Variants in GBF1 observed in about 807,000 individuals in gnomAD.
GBF1 encodes Golgi-specific brefeldin A-resistance guanine nucleotide exchange factor 1.
Under a neutral mutation model 210.5 loss-of-function variants are expected in GBF1, and 114 were observed. That is an observed-to-expected ratio of 0.54 (90% CI 0.47 to 0.63). GBF1 has a LOEUF of 0.63. Among genes scored for constraint, GBF1 ranks in the 30% least tolerant of loss-of-function variants. The pLI is 0.00. For synonymous variants in GBF1, 850 were observed against 889.2 expected (o/e 0.96, Z 0.78); for missense variants, 1,851 against 2,357.7 (o/e 0.79, Z 4.45).
chr10:102,292,044 C>G (rs2076486642), intron 3 of GBF1, among the ~76,000 whole-genome samples: 1 of 151,914 alleles, frequency 6.6e-6, no homozygotes, highest in African/African-American at 2.4e-5. Flanking sequence ...CGCCCACCAC[C>G]ACGCCCAGCT....
At position 102,358,665 on chromosome 10, in the gene GBF1, G is replaced by A. The variant is rs1283292014; in HGVS notation, c.947G>A (p.Gly316Glu). 1.2e-6 allele frequency: 2 copies of A among 1,613,958 alleles called. No individual in the cohort carries two copies. Among genetic ancestry groups the A allele is most frequent in the African/African-American group, 1.3e-5 (1 of 74,900 alleles). ...LTDLEQPGSPGYSTATEPGSS... is the reference protein window; with the variant it reads ...LTDLEQPGSPEYSTATEPGSS... ...GATCTAGAGCAACCTGGCTCTCCAG[G>A]GTACAGCACAGCTACAGAGCCTGGA... Residue 316 changes from glycine (G) to glutamate (E), a missense_variant, in exon 10 of 40, where the codon GGG becomes GAG. Physicochemically the swap from Gly to Glu is moderately conservative, Grantham distance 98. This residue lies in a region of GBF1 where 804 missense variants were observed against 958.6 expected (regional missense o/e 0.84). Transcript: ENST00000369983.
intron 3 of GBF1, among the ~76,000 whole-genome samples, chr10:102,263,774 G>A (rs746616006): frequency 6.6e-6 from 1 of 152,188 alleles, no homozygotes; most frequent in Non-Finnish European, 1.5e-5. Flanking sequence ...AGCATTTAGA[G>A]TAATAAGATA....
chr10:102,297,787 C>T (rs1229013498), intron 3 of GBF1, among the ~76,000 whole-genome samples: 2 of 152,122 alleles, frequency 1.3e-5, no homozygotes, highest in Non-Finnish European at 2.9e-5. Context: ...TTTTATAAAC[C>T]AATCACTCAT....
At position 102,382,071 on chromosome 10, in the gene GBF1, A is replaced by G; in HGVS notation, c.5318A>G (p.Glu1773Gly). The G allele has an allele frequency of 6.5e-7, 1 of 1,550,136 alleles. No homozygotes were observed. Among genetic ancestry groups the G allele is most frequent in the African/African-American group, 1.4e-5 (1 of 72,966 alleles). Residue 1773 changes from glutamate (E) to glycine (G), a missense_variant, in exon 40 of 40, where the codon GAG becomes GGG. By Grantham distance (98) the Glu-to-Gly change is moderately conservative (BLOSUM62 -2). Coordinates refer to ENST00000369983, the MANE Select transcript of GBF1 (RefSeq NM_001377137.1). Reference protein sequence around the residue: ...ELGACDFEKPESPRAASSSSP... With the variant: ...ELGACDFEKPGSPRAASSSSP... ...TTCCCTACAGACTTTGAGAAGCCCG[A>G]GAGCCCCCGAGCCGCCAGCAGCAGC...
At chr10:102,269,335 A>G (rs956759330) in intron 3 of GBF1, among the ~76,000 whole-genome samples, 1 of 152,240 alleles carries the variant, frequency 6.6e-6, no homozygotes, top group African/African-American at 2.4e-5. Flanking sequence ...ACTGTACATC[A>G]GAGGGCAATA....
At chr10:102,302,780 A>G (rs917203902) in intron 3 of GBF1, among the ~76,000 whole-genome samples, 1 of 152,060 alleles carries the variant, frequency 6.6e-6, no homozygotes, top group African/African-American at 2.4e-5. Context: ...GTCATATCTC[A>G]GGCATGCTAC....
chr10:102,282,073 C>G (rs1196692262), intron 3 of GBF1, among the ~76,000 whole-genome samples: 2 of 150,358 alleles, frequency 1.3e-5, no homozygotes, highest in African/African-American at 4.9e-5. Flanking sequence ...ACTACAGGCG[C>G]CCACCACCAC....
intron 8 of GBF1, among the ~76,000 whole-genome samples, chr10:102,355,932 C>T (rs1446883110): frequency 1.3e-5 from 2 of 152,156 alleles, no homozygotes; most frequent in Admixed American, 1.3e-4. Flanking sequence ...CCAGTGGTTC[C>T]TGGGGAGAGA....
chr10:102,324,760 T>C (rs1214669571), intron 3 of GBF1, among the ~76,000 whole-genome samples: 2 of 152,102 alleles, frequency 1.3e-5, no homozygotes, highest in African/African-American at 2.4e-5. Flanking sequence ...CTAATTTTTG[T>C]ATTTTTTAGT....
chr10:102,371,945 C>T (rs2060229600), intron 29 of GBF1, among the ~76,000 whole-genome samples: 1 of 148,244 alleles, frequency 6.7e-6, no homozygotes, highest in South Asian at 2.1e-4. Context: ...AAAAAAGAAT[C>T]ACTCTGGTAT....
intron 1 of GBF1, among the ~76,000 whole-genome samples, chr10:102,255,229 T>C (rs2072173665): frequency 6.6e-6 from 1 of 152,074 alleles, no homozygotes; most frequent in African/African-American, 2.4e-5. Flanking sequence ...TTAGTTGAGG[T>C]GGCGTTTCAC....
In GBF1 at chr10:102,370,867, A is replaced by C. The variant is rs752426038; in HGVS notation, c.3660+7A>C. 2 of 1,613,850 alleles carry C rather than the reference A, an allele frequency of 1.2e-6. No individual in the cohort carries two copies. Among genetic ancestry groups the C allele is most frequent in the Non-Finnish European group, 1.7e-6 (2 of 1,179,742 alleles). Reference sequence around the variant, plus strand: ...AGAAGAGATCAGTGCTCAGGTAAGCAGAATGCATCTTGGAGAGTGGGCAGG... The same window carrying C: ...AGAAGAGATCAGTGCTCAGGTAAGCCGAATGCATCTTGGAGAGTGGGCAGG... On this transcript the variant is annotated splice_region_variant and intron_variant, in intron 29 of 39. Transcript: ENST00000369983.
chr10:102,352,026 C>T, intron 6 of GBF1, 75 bp downstream of exon 6: 3 of 846,786 alleles, frequency 3.5e-6, no homozygotes, highest in Non-Finnish European at 4.1e-6. Flanking sequence ...GGCTGTCTTC[C>T]CAGAGAGATG....
In GBF1 at chr10:102,376,540, C is replaced by T; in HGVS notation, c.4048-20C>T. On this transcript the variant is annotated intron_variant, in intron 31 of 39. Coordinates refer to ENST00000369983, the MANE Select transcript of GBF1 (RefSeq NM_001377137.1). ...ACAGGGGCCAAGCCTGTGTCCCCAG[C>T]TCCTCTGTGTACTTTACAGGTTGGG... The T allele has an allele frequency of 6.2e-7, 1 of 1,613,580 alleles. No individual in the cohort carries two copies. The highest frequency in any genetic ancestry group is 1.1e-5 in the South Asian group (1 of 91,056).
At position 102,366,123 on chromosome 10, in the gene GBF1, C is replaced by T. The variant is rs999403812; in HGVS notation, c.2310-260C>T. On this transcript the variant is annotated intron_variant, in intron 18 of 39. Coordinates refer to ENST00000369983, the MANE Select transcript of GBF1 (RefSeq NM_001377137.1). This position sits in a 1 kb window ranked among gnomAD's most constrained non-coding sequence, Gnocchi z 4.0. ...GACTCCAACGAGATAGTTTGGGGAG[C>T]CCCCTCCATTCTGCATGGAGTCCAT... Among the ~76,000 whole-genome samples, 5 of 152,152 alleles carry T rather than the reference C, an allele frequency of 3.3e-5. No homozygotes were observed. The highest frequency in any genetic ancestry group is 3.3e-4 in the Admixed American group (5 of 15,278).
chr10:102,270,117 A>G (rs2074256795), intron 3 of GBF1, among the ~76,000 whole-genome samples: 2 of 151,768 alleles, frequency 1.3e-5, no homozygotes, highest in Admixed American at 1.3e-4. Flanking sequence ...TGACCTCATG[A>G]TCTGCCCGTC....
Position 102,377,149 on chromosome 10 carries a change from G to A in GBF1, c.4494+9G>A. 9 of 1,606,664 alleles carry A rather than the reference G, an allele frequency of 5.6e-6. No homozygotes were observed. The highest frequency in any genetic ancestry group is 7.7e-6 in the Non-Finnish European group (9 of 1,173,726). On this transcript the variant is annotated intron_variant, in intron 33 of 39. Coordinates refer to ENST00000369983, the MANE Select transcript of GBF1 (RefSeq NM_001377137.1). ...TACAGGTCAGTCAGGACGTAAGTAT[G>A]GCACCCTTTACTTCCTCTCCTCCCC...
At chr10:102,237,110 G>T in the GBF1 span, among the ~76,000 whole-genome samples, 1 of 152,110 alleles carries the variant, frequency 6.6e-6, no homozygotes, top group African/African-American at 2.4e-5. Context: ...CAAGTATTAG[G>T]TGTTAAGAGG....
At chr10:102,370,052 G>A in intron 26 of GBF1, 68 bp downstream of exon 26, 1 of 1,586,576 alleles carries the variant, frequency 6.3e-7, no homozygotes, top group South Asian at 1.1e-5. Flanking sequence ...TTGGTGAACT[G>A]AAGAATAAAT....
Sources: allele counts gnomAD v4.1 joint callset (sites outside exome capture counted in the v4.1 genomes callset), GRCh38; gene constraint gnomAD v4.1.1; regional missense constraint gnomAD v4.1.1; non-coding constraint Gnocchi (gnomAD v3.1); transcripts MANE v1.5; gene names NCBI Gene and HGNC (gene_info 2026-07-23, HGNC 2026-07-21).